The following KCNMA1 variants were observed in gnomAD, a reference collection of about 807,000 sequenced individuals.
KCNMA1 encodes the protein Calcium-activated potassium channel subunit alpha-1.
KCNMA1 carries 29 observed loss-of-function variants against 140.0 expected under a neutral mutation model. The observed-to-expected ratio is 0.21, with a 90% confidence interval of 0.15 to 0.28. The LOEUF (loss-of-function observed/expected upper bound fraction) is 0.28, where lower values mean the gene tolerates loss of function less well. KCNMA1 is among the 10% of genes least tolerant of loss of function. The pLI is 1.00. For synonymous variants in KCNMA1, 612 were observed against 611.9 expected (o/e 1.00, Z 0.00); for missense variants, 880 against 1,602.2 (o/e 0.55, Z 7.70).
chr10:76,960,687 A>T (rs1357888893), intron 20 of KCNMA1, among the ~76,000 whole-genome samples: 1 of 136,348 alleles, frequency 7.3e-6, no homozygotes, highest in African/African-American at 2.8e-5. Flanking sequence ...GAGCACAGGC[A>T]GAGTAGATTT....
intron 13 of KCNMA1, among the ~76,000 whole-genome samples, chr10:77,079,116 C>T (rs757407014): frequency 2.6e-5 from 4 of 152,018 alleles, no homozygotes; most frequent in African/African-American, 4.8e-5. Flanking sequence ...ACTAAAAGTA[C>T]AAAATCAGCC....
intron 17 of KCNMA1, chr10:77,012,394 C>G: frequency 6.5e-7 from 1 of 1,535,346 alleles, no homozygotes; most frequent in Non-Finnish European, 8.8e-7. Flanking sequence ...AGCCCTGGGC[C>G]CTTGGTGGGG....
At chr10:77,166,723 C>A (rs2098646774) in intron 5 of KCNMA1, among the ~76,000 whole-genome samples, 1 of 151,866 alleles carries the variant, frequency 6.6e-6, no homozygotes, top group South Asian at 2.1e-4. Context: ...GTATTTTTGC[C>A]TTAATGTAGG....
intron 3 of KCNMA1, among the ~76,000 whole-genome samples, chr10:77,207,293 G>A (rs2044463131): frequency 6.6e-6 from 1 of 152,110 alleles, no homozygotes; most frequent in African/African-American, 2.4e-5. Flanking sequence ...GCATTCTATA[G>A]ATATTGGAAT....
chr10:77,578,224 C>T (rs955058182), intron 1 of KCNMA1, among the ~76,000 whole-genome samples: 5 of 152,184 alleles, frequency 3.3e-5, no homozygotes, highest in African/African-American at 1.2e-4. Flanking sequence ...CTGATCTGTC[C>T]TGAGATCCCC....
intron 1 of KCNMA1, among the ~76,000 whole-genome samples, chr10:77,465,131 C>T (rs562294053): frequency 2.1e-4 from 32 of 152,332 alleles, no homozygotes; most frequent in African/African-American, 7.2e-4. Flanking sequence ...CCCTCTCGGC[C>T]TCCATCCAGA....
chr10:77,050,473 G>A (rs11001996), intron 14 of KCNMA1, among the ~76,000 whole-genome samples: 12,509 of 152,180 alleles, frequency 0.082, 649 homozygotes, highest in Non-Finnish European at 0.12. Context: ...ACTGCTGTTA[G>A]CAAATGACAA....
At chr10:77,595,797 C>T (rs56205729) in intron 1 of KCNMA1, among the ~76,000 whole-genome samples, 23 of 152,204 alleles carry the variant, frequency 1.5e-4, no homozygotes, top group Middle Eastern at 3.4e-3. Flanking sequence ...TACAGGTGCG[C>T]GCCATCATGC....
At position 76,879,620 on chromosome 10, in the gene KCNMA1, G is replaced by T. The variant is rs181467171; in HGVS notation, c.3428-1730C>A. Among the ~76,000 whole-genome samples, 168 of 149,922 alleles carry T rather than the reference G, an allele frequency of 1.1e-3. 2 individuals are homozygous for T. The highest frequency in any genetic ancestry group is 6.9e-3 in the Middle Eastern group (2 of 288). ...GCTTCAATTCCATAGATCTTTTAAA[G>T]TCATCAGCACATCTGAATTATTAAT... is the stretch of plus-strand genomic sequence containing the variant. On this transcript the variant is annotated intron_variant, in intron 29 of 29. Transcript: ENST00000372403.
chr10:77,601,418 T>C (rs950368057), intron 1 of KCNMA1, among the ~76,000 whole-genome samples: 1 of 152,190 alleles, frequency 6.6e-6, no homozygotes, highest in Admixed American at 6.5e-5. Flanking sequence ...TGATGTCCAC[T>C]CTCTAAATGG....
At chr10:77,382,886 AT>A (rs377236031) in intron 2 of KCNMA1, among the ~76,000 whole-genome samples, 14,146 of 54,562 alleles carry the variant, frequency 0.26, 1,948 homozygotes, top group East Asian at 0.5. Flanking sequence ...AAAAAAAAAA[AT>A]ATATATATAT....
At chr10:77,044,248 A>T (rs2094908206) in intron 14 of KCNMA1, among the ~76,000 whole-genome samples, 1 of 152,162 alleles carries the variant, frequency 6.6e-6, no homozygotes, top group African/African-American at 2.4e-5. Context: ...ACCTTCTATC[A>T]AGGTAACTTT....
At chr10:77,142,520 G>T (rs888007232) in intron 5 of KCNMA1, among the ~76,000 whole-genome samples, 2 of 152,118 alleles carry the variant, frequency 1.3e-5, no homozygotes, top group African/African-American at 4.8e-5. Context: ...TACGCAAAAG[G>T]GCTTCACAAT....
chr10:77,424,140 C>T (rs2096925573), intron 1 of KCNMA1, among the ~76,000 whole-genome samples: 1 of 152,232 alleles, frequency 6.6e-6, no homozygotes, highest in African/African-American at 2.4e-5. Context: ...ATTCTGCAAA[C>T]TACAGCAGGT....
At chr10:77,070,828 T>C (rs2096175178) in intron 14 of KCNMA1, among the ~76,000 whole-genome samples, 1 of 152,092 alleles carries the variant, frequency 6.6e-6, no homozygotes, top group Admixed American at 6.6e-5. Flanking sequence ...TACACAAAGA[T>C]AGCAATGTAG....
At chr10:77,514,712 A>G (rs12783803) in intron 1 of KCNMA1, among the ~76,000 whole-genome samples, 22,934 of 152,198 alleles carry the variant, frequency 0.15, 2,034 homozygotes, top group Middle Eastern at 0.25. Context: ...GGGTGGGTGG[A>G]ATAGGGTAAG....
intron 5 of KCNMA1, among the ~76,000 whole-genome samples, chr10:77,171,400 C>CGT (rs60927086): frequency 0.019 from 2,501 of 128,984 alleles, 29 homozygotes; most frequent in African/African-American, 0.03. Flanking sequence ...TGTGTGTGTG[C>CGT]GTGTGTGTGT....
chr10:77,634,327 T>C, intron 1 of KCNMA1: 1 of 985,460 alleles, frequency 1.0e-6, no homozygotes, highest in Non-Finnish European at 1.2e-6. Context: ...AATTGTAATG[T>C]TTTCTTCTTC....
rs112435940 is a variant in KCNMA1, at chr10:76,954,256, A to G, written c.2361-332T>C. ...TTCCTCTCATTTTACCAGCTATTCGATCTCCCCAGCGTGCACACACACACA... is the reference window on the plus strand; with the variant it reads ...TTCCTCTCATTTTACCAGCTATTCGGTCTCCCCAGCGTGCACACACACACA... On this transcript the variant is annotated intron_variant, in intron 20 of 27. Coordinates refer to ENST00000286628, the MANE Select transcript of KCNMA1 (RefSeq NM_001161352.2). Among the ~76,000 whole-genome samples the G allele has an allele frequency of 3.0e-3, 435 of 142,630 alleles. 3 individuals carry two copies. The highest frequency in any genetic ancestry group is 0.011 in the African/African-American group (406 of 37,190). The allele number at this position is 142,630 out of a possible 152,430, so 93.6% of individuals were successfully genotyped here.
Sources: gnomAD v4.1 joint callset for allele counts (sites outside exome capture counted in the v4.1 genomes callset) on GRCh38, gnomAD v4.1.1 for gene constraint, MANE v1.5 for transcripts, NCBI Gene and HGNC (gene_info 2026-07-23, HGNC 2026-07-21) for gene names.